Variants in COL3A1 observed in about 807,000 individuals in gnomAD.
COL3A1 encodes collagen type III alpha 1 chain.
A neutral mutation model predicts 200.9 loss-of-function variants in COL3A1; 46 were observed. The observed-to-expected ratio is 0.23, with a 90% confidence interval of 0.18 to 0.29. The LOEUF (loss-of-function observed/expected upper bound fraction) is 0.29, where lower values mean the gene tolerates loss of function less well. Ranked by LOEUF, COL3A1 falls within the 10% of genes least tolerant of loss-of-function variation. COL3A1 has a pLI of 1.00. For synonymous variants in COL3A1, 650 were observed against 628.0 expected (o/e 1.03, Z -0.52); for missense variants, 1,367 against 1,917.6 (o/e 0.71, Z 5.36).
At position 189,008,083 on chromosome 2, in the gene COL3A1, C is replaced by T. The variant is rs776814693; in HGVS notation, c.3466C>T (p.His1156Tyr). ...TCCTGGCAAAGATGGAACCAGTGGA[C>T]ATCCAGGTCCCATTGGACCACCAGG... is the stretch of plus-strand genomic sequence containing the variant. ...GPPGKDGTSG[H>Y]PGPIGPPGPR... Residue 1156 changes from histidine (H) to tyrosine (Y), a missense_variant, in exon 47 of 51, where the codon CAT (histidine) becomes TAT (tyrosine). Around this residue, in one of 5 missense-constraint regions of COL3A1, gnomAD observed 846 missense variants for 1,147.9 expected, o/e 0.74. Transcript: ENST00000304636. The T allele has an allele frequency of 1.1e-5, 18 of 1,613,920 alleles. No homozygotes were observed. In the Admixed American group the frequency reaches 3.0e-4, roughly 27 times the overall value.
Position 188,985,047 on chromosome 2 carries a change from A to G in COL3A1, c.282+85A>G, listed in dbSNP as rs3106796. The G allele has an allele frequency of 0.43, 618,284 of 1,435,190 alleles. 139,922 individuals carry two copies. The highest frequency in any genetic ancestry group is 0.58 in the East Asian group (24,944 of 42,716). 88.9% of individuals were successfully genotyped at this position (1,435,190 alleles called of 1,614,324 possible). A position where few individuals can be genotyped will look rare whatever the true frequency, so the allele number is the denominator to read the frequency against. ...CTATATCATAGGAGCCTAAAAGGGA[A>G]TGAAAGTCATGTTCATCAAATAGCC... is the stretch of plus-strand genomic sequence containing the variant. On this transcript the variant is annotated intron_variant, in intron 2 of 50. Coordinates refer to ENST00000304636, the MANE Select transcript of COL3A1 (RefSeq NM_000090.4).
chr2:189,006,003 C>G (rs1688577677), intron 41 of COL3A1, among the ~76,000 whole-genome samples: 1 of 152,080 alleles, frequency 6.6e-6, no homozygotes, highest in Non-Finnish European at 1.5e-5. Flanking sequence ...CTAATCACCT[C>G]TCCTCCATGA....
At chr2:188,988,038 T>A in intron 5 of COL3A1, 43 bp from the exon 6 acceptor site, 1 of 1,439,688 alleles carries the variant, frequency 6.9e-7, no homozygotes, top group Non-Finnish European at 9.8e-7. Context: ...AAAGTGTATT[T>A]TGCATTCATT....
At chr2:189,000,688 GATATT>G (rs1488024520) in intron 32 of COL3A1, among the ~76,000 whole-genome samples, 2 of 152,076 alleles carry the variant, frequency 1.3e-5, no homozygotes, top group South Asian at 2.1e-4. Flanking sequence ...TCCTAGTTTT[GATATT>G]ATATTATAGT....
intron 12 of COL3A1, 29 bp downstream of exon 12, chr2:188,991,560 A>G: frequency 6.2e-7 from 1 of 1,610,578 alleles, no homozygotes; most frequent in African/African-American, 1.3e-5. Context: ...TATAATTTTC[A>G]GTTTTATTAT....
chr2:188,988,660 T>A lies in COL3A1; in HGVS notation c.636+17T>A, dbSNP rs1055934953. The A allele has an allele frequency of 1.3e-6, 2 of 1,578,830 alleles. No individual in the cohort carries two copies. The highest frequency in any genetic ancestry group is 1.7e-6 in the Non-Finnish European group (2 of 1,149,532). On this transcript the variant is annotated intron_variant, in intron 7 of 50. Transcript: ENST00000304636. ...GGTCCTTCAGTAAGTAACAATTAAA[T>A]TTATATTTAGTAAGTCGATAATTCC... is the stretch of plus-strand genomic sequence containing the variant.
intron 32 of COL3A1, 107 bp from the exon 33 acceptor site, chr2:189,001,290 A>G (rs1339089766): frequency 7.3e-6 from 8 of 1,092,936 alleles, no homozygotes; most frequent in South Asian, 4.1e-5. Flanking sequence ...TTTAAAAAGT[A>G]TGTTATCTAG....
chr2:188,998,804 T>C, intron 29 of COL3A1, 86 bp downstream of exon 29: 1 of 1,203,730 alleles, frequency 8.3e-7, no homozygotes, highest in Non-Finnish European at 1.2e-6. Context: ...CAAGCCAAAA[T>C]ACTCTTTCTT....
At chr2:188,992,815 C>T in intron 14 of COL3A1, 72 bp from the exon 15 acceptor site, 1 of 1,153,164 alleles carries the variant, frequency 8.7e-7, no homozygotes, top group Non-Finnish European at 1.3e-6. Context: ...TATATGTGCT[C>T]ACTTATTTAC....
rs1482765119 is a variant in COL3A1, at chr2:188,990,330, A to G, written c.768A>G (p.Ile256Met). The G allele has an allele frequency of 6.2e-7, 1 of 1,613,326 alleles. No homozygotes were observed. Among genetic ancestry groups the G allele is most frequent in the Non-Finnish European group, 8.5e-7 (1 of 1,179,522 alleles). ...AGGGTATCAAAGGTCCAGCTGGGAT[A>G]CCTGGATTCCCTGGTATGAAAGGAC... ...GPPGIKGPAG[I>M]PGFPGMKGHR... The change falls in exon 10 of 51, where the codon ATA becomes ATG. Residue 256 changes from isoleucine (I) to methionine (M), a missense_variant. By Grantham distance (10) the Ile-to-Met change is conservative. This residue lies in a region of COL3A1 where 462 missense variants were observed against 681.4 expected (regional missense o/e 0.68). Coordinates refer to ENST00000304636, the MANE Select transcript of COL3A1 (RefSeq NM_000090.4).
Position 188,985,204 on chromosome 2 carries a change from G to A in COL3A1, c.290G>A (p.Arg97His), listed in dbSNP as rs1197947308. The change falls in exon 3 of 51, where the codon CGC (arginine) becomes CAC (histidine). Residue 97 changes from arginine to histidine, a missense_variant. Physicochemically the swap from Arg to His is conservative, Grantham distance 29. This residue lies in a region of COL3A1 where 462 missense variants were observed against 681.4 expected (regional missense o/e 0.68). Coordinates refer to ENST00000304636, the MANE Select transcript of COL3A1 (RefSeq NM_000090.4). The part of the protein sequence containing the change: ...VCPQPPTAPT[R>H]PPNGQGPQGP... ...TTCTTTTCCATTTATTAGCCTACTC[G>A]CCCTCCTAATGGTCAAGGACCTCAA... 13 of 1,612,106 alleles carry A rather than the reference G, an allele frequency of 8.1e-6. No homozygotes were observed. The highest frequency in any genetic ancestry group is 2.7e-5 in the African/African-American group (2 of 74,760).
At chr2:189,007,802 T>G in intron 45 of COL3A1, 83 bp from the exon 46 acceptor site, 2 of 1,503,576 alleles carry the variant, frequency 1.3e-6, no homozygotes, top group Middle Eastern at 2.2e-4. Context: ...ATGATCCCCA[T>G]GTTTCTTGAT....
chr2:188,995,732 C>G lies in COL3A1; in HGVS notation c.1550C>G (p.Pro517Arg), dbSNP rs142085247. Residue 517 changes from proline to arginine, a missense_variant, in exon 22 of 51, where the codon CCC becomes CGC. By Grantham distance (103) the Pro-to-Arg change is moderately radical. Transcript: ENST00000304636. ...GERGAPGPAG[P>R]RGAAGEPGRD... ...CGTGGTGCTCCAGGCCCTGCAGGGC[C>G]CAGAGGAGCTGCTGGAGAACCTGGC... 56 of 1,565,758 alleles carry G rather than the reference C, an allele frequency of 3.6e-5. No homozygotes were observed. The highest frequency in any genetic ancestry group is 4.8e-5 in the Non-Finnish European group (55 of 1,154,772).
intron 48 of COL3A1, 94 bp downstream of exon 48, chr2:189,009,315 G>A: frequency 1.4e-6 from 2 of 1,452,060 alleles, no homozygotes; most frequent in South Asian, 1.2e-5. Flanking sequence ...ACTTTCAATG[G>A]AAAGCTGAAA....
At chr2:188,999,008 T>A (rs1688392003) in intron 29 of COL3A1, among the ~76,000 whole-genome samples, 1 of 152,236 alleles carries the variant, frequency 6.6e-6, no homozygotes, top group African/African-American at 2.4e-5. Flanking sequence ...AAAACTGTTT[T>A]GGTAAAAAGA....
At chr2:188,987,213 T>C in intron 5 of COL3A1, 74 bp downstream of exon 5, 2 of 1,212,048 alleles carry the variant, frequency 1.7e-6, no homozygotes, top group East Asian at 2.3e-5. Flanking sequence ...ATGGTTGCTC[T>C]TCTAGGAATT....
intron 42 of COL3A1, 25 bp downstream of exon 42, chr2:189,006,284 AT>A: frequency 6.2e-7 from 1 of 1,614,018 alleles, no homozygotes; most frequent in East Asian, 2.2e-5. Flanking sequence ...TGTGCAATTG[AT>A]TTGTGTTATC....
At chr2:188,984,636 A>T in intron 1 of COL3A1, 124 bp from the exon 2 acceptor site, 1 of 821,528 alleles carries the variant, frequency 1.2e-6, no homozygotes, top group Non-Finnish European at 2.0e-6. Context: ...TTCTAATGAA[A>T]GGAAGAAATT....
intron 1 of COL3A1, among the ~76,000 whole-genome samples, chr2:188,975,330 T>C (rs1412560900): frequency 6.6e-6 from 1 of 152,224 alleles, no homozygotes; most frequent in African/African-American, 2.4e-5. Flanking sequence ...CTAGTACTGT[T>C]TGACTTCAGA....
Sources: allele counts gnomAD v4.1 joint callset (sites outside exome capture counted in the v4.1 genomes callset), GRCh38; gene constraint gnomAD v4.1.1; regional missense constraint gnomAD v4.1.1; transcripts MANE v1.5; gene names NCBI Gene and HGNC (gene_info 2026-07-23, HGNC 2026-07-21).